Variants in QTMAN observed in about 807,000 individuals in gnomAD.
QTMAN encodes tRNA-queuosine alpha-mannosyltransferase.
chr2:144,255,184 GGGCAAAATGATATGATTT>G, the QTMAN span, among the ~76,000 whole-genome samples: 1 of 152,074 alleles, frequency 6.6e-6, no homozygotes, highest in Admixed American at 6.6e-5. Context: ...GAGGGGCCAG[GGGCAAAATGATATGATTT>G]GGCTGTATCC....
At chr2:143,946,359 A>G in the QTMAN span, 2 of 152,214 alleles carry the variant, frequency 1.3e-5, no homozygotes, top group African/African-American at 4.8e-5. Flanking sequence ...ATGCAAATGT[A>G]ACTCTGTGAA....
the QTMAN span, among the ~76,000 whole-genome samples, chr2:144,188,203 G>A: frequency 5.9e-5 from 9 of 152,036 alleles, no homozygotes; most frequent in African/African-American, 9.7e-5. Flanking sequence ...AGATAGCCAG[G>A]CAAATAAAAA....
chr2:143,988,769 G>C, the QTMAN span, among the ~76,000 whole-genome samples: 1 of 152,196 alleles, frequency 6.6e-6, no homozygotes, highest in African/African-American at 2.4e-5. Flanking sequence ...GCATATATGG[G>C]CACTGGGGAG....
At chr2:144,279,271 T>TA in the QTMAN span, among the ~76,000 whole-genome samples, 4 of 148,828 alleles carry the variant, frequency 2.7e-5, no homozygotes, top group South Asian at 6.3e-4. Flanking sequence ...TGAAAAGACA[T>TA]AAAGGCCAAT....
At chr2:143,947,245 A>T in the QTMAN span, 1 of 750,076 alleles carries the variant, frequency 1.3e-6, no homozygotes, top group Non-Finnish European at 2.3e-6. Flanking sequence ...TACGTCAATT[A>T]CATTTCAAAA....
the QTMAN span, among the ~76,000 whole-genome samples, chr2:144,237,605 A>C: frequency 6.6e-6 from 1 of 152,184 alleles, no homozygotes; most frequent in African/African-American, 2.4e-5. Flanking sequence ...CATTCTATTA[A>C]AAGAATTTCA....
the QTMAN span, among the ~76,000 whole-genome samples, chr2:144,267,219 T>C: frequency 6.6e-6 from 1 of 152,176 alleles, no homozygotes; most frequent in Non-Finnish European, 1.5e-5. Flanking sequence ...TTATCTGTGA[T>C]ACAAATGCTA....
the QTMAN span, among the ~76,000 whole-genome samples, chr2:144,232,070 C>T: frequency 6.6e-6 from 1 of 151,912 alleles, no homozygotes; most frequent in African/African-American, 2.4e-5. Context: ...TAACAGGCAT[C>T]CCACCCAGAT....
chr2:144,323,162 T>C, the QTMAN span, among the ~76,000 whole-genome samples: 1 of 152,202 alleles, frequency 6.6e-6, no homozygotes, highest in African/African-American at 2.4e-5. Flanking sequence ...GTAAAAATGA[T>C]GCTTCATGCA....
chr2:144,123,780 A>G, the QTMAN span, among the ~76,000 whole-genome samples: 1 of 152,264 alleles, frequency 6.6e-6, no homozygotes, highest in South Asian at 2.1e-4. Flanking sequence ...TCCAACTAAA[A>G]GCAAGCTTAT....
chr2:144,247,676 T>A, the QTMAN span, among the ~76,000 whole-genome samples: 3 of 152,074 alleles, frequency 2.0e-5, no homozygotes, highest in African/African-American at 7.2e-5. Flanking sequence ...ACCACAGTAT[T>A]TTCCTTTCTT....
chr2:144,101,431 TG>T, the QTMAN span, among the ~76,000 whole-genome samples: 4 of 152,014 alleles, frequency 2.6e-5, no homozygotes, highest in Non-Finnish European at 2.9e-5. Flanking sequence ...TACTGTGAAA[TG>T]TATCTAATTG....
At chr2:144,092,810 T>C in the QTMAN span, among the ~76,000 whole-genome samples, 1 of 152,016 alleles carries the variant, frequency 6.6e-6, no homozygotes, top group Non-Finnish European at 1.5e-5. Flanking sequence ...CATAGGGCTT[T>C]ATGGTACTTA....
chr2:144,179,610 T>C, the QTMAN span, among the ~76,000 whole-genome samples: 1 of 152,140 alleles, frequency 6.6e-6, no homozygotes, highest in Admixed American at 6.6e-5. Flanking sequence ...AACGTCTTCA[T>C]AAGTTGGGAC....
the QTMAN span, among the ~76,000 whole-genome samples, chr2:144,259,765 T>TA: frequency 7.2e-5 from 11 of 152,050 alleles, no homozygotes; most frequent in African/African-American, 1.7e-4. Context: ...AATTTATTTT[T>TA]AAAAAACAAA....
chr2:143,991,766 C>A, the QTMAN span, among the ~76,000 whole-genome samples: 1 of 148,962 alleles, frequency 6.7e-6, no homozygotes, highest in Non-Finnish European at 1.5e-5. Context: ...CGCCAGCCGC[C>A]CCGTCTGGGA....
chr2:144,306,103 T>G, the QTMAN span, among the ~76,000 whole-genome samples: 3 of 152,242 alleles, frequency 2.0e-5, no homozygotes, highest in Admixed American at 6.5e-5. Context: ...AGCAACATTC[T>G]TGCTCTGTTC....
chr2:144,258,951 AAAG>A, the QTMAN span, among the ~76,000 whole-genome samples: 1 of 152,178 alleles, frequency 6.6e-6, no homozygotes, highest in Non-Finnish European at 1.5e-5. Context: ...AGTAAAAAGA[AAAG>A]AAGAATAAAA....
the QTMAN span, among the ~76,000 whole-genome samples, chr2:143,995,704 T>C: frequency 6.6e-6 from 1 of 152,172 alleles, no homozygotes; most frequent in Non-Finnish European, 1.5e-5. Flanking sequence ...AGTAGAAATA[T>C]AATGTTTAAA....
Sources: allele counts gnomAD v4.1 joint callset (sites outside exome capture counted in the v4.1 genomes callset), GRCh38; gene constraint gnomAD v4.1.1; transcripts MANE v1.5; gene names NCBI Gene and HGNC (gene_info 2026-07-23, HGNC 2026-07-21).